The following TMEFF1 variants were observed in gnomAD, a reference collection of about 807,000 sequenced individuals.
TMEFF1 encodes transmembrane protein with EGF like and two follistatin like domains 1, also known as tomoregulin-1.
A neutral mutation model predicts 47.5 loss-of-function variants in TMEFF1; 20 were observed. That is an observed-to-expected ratio of 0.42 (90% CI 0.30 to 0.61). TMEFF1 has a LOEUF of 0.61. Ranked by LOEUF, TMEFF1 falls within the 20% of genes least tolerant of loss-of-function variation. TMEFF1 has a pLI of 0.19. For synonymous variants in TMEFF1, 162 were observed against 166.3 expected (o/e 0.97, Z 0.20); for missense variants, 411 against 471.1 (o/e 0.87, Z 1.18).
In TMEFF1 at chr9:100,481,223, A is replaced by T. The variant is rs530623334; in HGVS notation, c.196+7483A>T. Among the ~76,000 whole-genome samples, 12 of 150,152 alleles carry T rather than the reference A, an allele frequency of 8.0e-5. No individual in the cohort carries two copies. In the South Asian group the frequency reaches 2.7e-3, roughly 34 times the overall value. ...CACCTTTTCCTGTGTGACATACTAT[A>T]CGTTTTACTTGTTTTCTGTCTCTGT... On this transcript the variant is annotated intron_variant, in intron 1 of 9. Coordinates refer to ENST00000374879, the MANE Select transcript of TMEFF1 (RefSeq NM_003692.5).
At chr9:100,546,429 T>TCCCCCCCCCCCCCCCCCCCCCC (rs200756105) in intron 5 of TMEFF1, among the ~76,000 whole-genome samples, 1 of 141,894 alleles carries the variant, frequency 7.0e-6, no homozygotes, top group Non-Finnish European at 1.5e-5. Flanking sequence ...CATAATTCAA[T>TCCCCCCCCCCCCCCCCCCCCCC]CCCCCCCCCA....
At chr9:100,500,956 G>A (rs1423924468) in intron 2 of TMEFF1, among the ~76,000 whole-genome samples, 2 of 152,136 alleles carry the variant, frequency 1.3e-5, no homozygotes, top group Non-Finnish European at 2.9e-5. Context: ...GGGCTACTTG[G>A]AGTCTGCCCC....
chr9:100,527,879 C>G (rs990060635), intron 5 of TMEFF1, among the ~76,000 whole-genome samples: 1 of 152,188 alleles, frequency 6.6e-6, no homozygotes, highest in Non-Finnish European at 1.5e-5. Context: ...TCTCCCAGCA[C>G]GCAGCTGGAG....
At chr9:100,527,437 G>A in intron 5 of TMEFF1, among the ~76,000 whole-genome samples, 1 of 152,254 alleles carries the variant, frequency 6.6e-6, no homozygotes, top group East Asian at 1.9e-4. Context: ...GGAAGTGCAA[G>A]GGGTGAGGGA....
chr9:100,564,025 A>C (rs1839072292), intron 8 of TMEFF1, among the ~76,000 whole-genome samples: 1 of 152,192 alleles, frequency 6.6e-6, no homozygotes, highest in African/African-American at 2.4e-5. Context: ...CTTTAGCCAC[A>C]GTCCTATTGT....
At chr9:100,543,549 T>C (rs1287263037) in intron 5 of TMEFF1, among the ~76,000 whole-genome samples, 1 of 152,110 alleles carries the variant, frequency 6.6e-6, no homozygotes, top group African/African-American at 2.4e-5. Flanking sequence ...TAGGATGAAA[T>C]TGAGTTTCTC....
Position 100,473,801 on chromosome 9 carries a change from G to T in TMEFF1, c.196+61G>T. The T allele has an allele frequency of 7.1e-7, 1 of 1,401,818 alleles. No homozygotes were observed. The highest frequency in any genetic ancestry group is 1.6e-5 in the South Asian group (1 of 64,226). The allele number at this position is 1,401,818 out of a possible 1,614,324, so 86.8% of individuals were successfully genotyped here. ...CCCCTCCGTTGCCGCCTCCCTCGTG[G>T]TCCCTGCGGTCGGCCGGGCTGGGAA... On this transcript the variant is annotated intron_variant, in intron 1 of 9. Coordinates refer to ENST00000374879, the MANE Select transcript of TMEFF1 (RefSeq NM_003692.5). The surrounding 1 kb of genome is among the most constrained non-coding windows in gnomAD (Gnocchi z 5.4).
intron 8 of TMEFF1, among the ~76,000 whole-genome samples, 166 bp from the exon 9 acceptor site, chr9:100,572,352 A>G (rs954346644): frequency 6.6e-6 from 1 of 152,204 alleles, no homozygotes; most frequent in Non-Finnish European, 1.5e-5. Flanking sequence ...TATCAGAAAG[A>G]CAGTAGGGAA....
chr9:100,482,158 G>A (rs927131553), intron 1 of TMEFF1, among the ~76,000 whole-genome samples: 4 of 151,468 alleles, frequency 2.6e-5, no homozygotes, highest in Non-Finnish European at 2.9e-5. Flanking sequence ...CTATTTTTCT[G>A]CCGACTCTTC....
At chr9:100,540,154 C>T (rs1319715552) in intron 5 of TMEFF1, among the ~76,000 whole-genome samples, 1 of 152,066 alleles carries the variant, frequency 6.6e-6, no homozygotes, top group Admixed American at 6.5e-5. Context: ...CATTTACAAT[C>T]CTTTAGCTGG....
At chr9:100,521,897 T>C (rs1428756193) in intron 5 of TMEFF1, among the ~76,000 whole-genome samples, 1 of 152,242 alleles carries the variant, frequency 6.6e-6, no homozygotes, top group Non-Finnish European at 1.5e-5. Flanking sequence ...GTGATATAAA[T>C]ATCTCAGAGT....
chr9:100,477,877 T>C (rs541069763), intron 1 of TMEFF1, among the ~76,000 whole-genome samples: 1 of 152,138 alleles, frequency 6.6e-6, no homozygotes, highest in Non-Finnish European at 1.5e-5. Context: ...TCCGCCTACC[T>C]CGGCCTTCCA....
chr9:100,548,934 C>G (rs1428780262), intron 6 of TMEFF1, among the ~76,000 whole-genome samples: 1 of 151,958 alleles, frequency 6.6e-6, no homozygotes, highest in African/African-American at 2.4e-5. Flanking sequence ...GTATGGTCCC[C>G]CCACCCCAGT....
chr9:100,568,423 A>C (rs559249450), intron 8 of TMEFF1, among the ~76,000 whole-genome samples: 1 of 152,312 alleles, frequency 6.6e-6, no homozygotes, highest in South Asian at 2.1e-4. Flanking sequence ...GTTGAGGATA[A>C]TGTTCTTTAT....
chr9:100,562,822 AT>A (rs1046555952), intron 8 of TMEFF1, among the ~76,000 whole-genome samples: 4 of 147,262 alleles, frequency 2.7e-5, no homozygotes, highest in Non-Finnish European at 6.0e-5. Flanking sequence ...TGCTTGGCTA[AT>A]TTTTTGTTTT....
At chr9:100,479,379 T>G (rs1837297409) in intron 1 of TMEFF1, among the ~76,000 whole-genome samples, 1 of 152,214 alleles carries the variant, frequency 6.6e-6, no homozygotes, top group African/African-American at 2.4e-5. Flanking sequence ...AAGCATTTAT[T>G]GAGCACGAAC....
intron 1 of TMEFF1, among the ~76,000 whole-genome samples, chr9:100,483,123 A>G (rs1310950903): frequency 6.6e-6 from 1 of 152,066 alleles, no homozygotes; most frequent in Non-Finnish European, 1.5e-5. Context: ...ATGAATTTAT[A>G]TATGTTACAG....
intron 1 of TMEFF1, among the ~76,000 whole-genome samples, chr9:100,481,928 C>G (rs1293014868): frequency 1.3e-5 from 2 of 151,878 alleles, no homozygotes; most frequent in Non-Finnish European, 2.9e-5. Context: ...ACTGCAGGCG[C>G]ATACCACTAC....
At chr9:100,559,178 A>G (rs904334291) in intron 7 of TMEFF1, among the ~76,000 whole-genome samples, 1 of 152,192 alleles carries the variant, frequency 6.6e-6, no homozygotes, top group Admixed American at 6.5e-5. Flanking sequence ...AATAGCAATA[A>G]AACAGGCAGT....
Sources: allele counts gnomAD v4.1 joint callset (sites outside exome capture counted in the v4.1 genomes callset), GRCh38; gene constraint gnomAD v4.1.1; non-coding constraint Gnocchi (gnomAD v3.1); transcripts MANE v1.5; gene names NCBI Gene and HGNC (gene_info 2026-07-23, HGNC 2026-07-21).